TMEM132C: variants seen among roughly 807,000 people sequenced by gnomAD.
The protein encoded by TMEM132C is protein phosphatase 1, regulatory subunit 152.
Under a neutral mutation model 61.4 loss-of-function variants are expected in TMEM132C, and 29 were observed. The observed-to-expected ratio is 0.47, with a 90% CI of 0.35 to 0.64. TMEM132C has a LOEUF of 0.64. TMEM132C is among the 30% of genes least tolerant of loss of function. The probability of loss-of-function intolerance (pLI) is 0.00; values close to 1 mark genes in which losing one functional copy is unlikely to be tolerated. For missense variants in TMEM132C, 1,408 were observed against 1,476.9 expected (o/e 0.95, Z 0.76); for synonymous variants, 656 against 633.1 (o/e 1.04, Z -0.54).
At chr12:128,507,954 C>G (rs1005816764) in intron 2 of TMEM132C, among the ~76,000 whole-genome samples, 2 of 152,118 alleles carry the variant, frequency 1.3e-5, no homozygotes, top group African/African-American at 4.8e-5. Flanking sequence ...CACCCAGGTA[C>G]TAACATATTG....
At chr12:128,468,410 C>G (rs1347245761) in intron 2 of TMEM132C, among the ~76,000 whole-genome samples, 2 of 152,028 alleles carry the variant, frequency 1.3e-5, no homozygotes, top group Non-Finnish European at 2.9e-5. Context: ...CTCTGCCTTC[C>G]GGGTTCAAGC....
chr12:128,414,751 C>T lies in TMEM132C; in HGVS notation c.105C>T (p.Val35=). The T allele has an allele frequency of 6.5e-7, 1 of 1,530,440 alleles. No homozygotes were observed. Among genetic ancestry groups the T allele is most frequent in the Non-Finnish European group, 8.8e-7 (1 of 1,141,592 alleles). 94.8% of individuals were successfully genotyped at this position (1,530,440 alleles called of 1,614,324 possible). A position where few individuals can be genotyped will look rare whatever the true frequency, so the allele number is the denominator to read the frequency against. The change falls in exon 2 of 9, where the codon GTC becomes GTT. Residue 35 remains valine (V), a synonymous_variant. Coordinates refer to ENST00000435159, the MANE Select transcript of TMEM132C (RefSeq NM_001136103.3). The part of the protein sequence containing the change: ...LLGKVIEGHG[V]TDNIQRFSSL... ...TTTTAGTGATAGAGGGTCACGGGGTCACAGACAACATACAGAGATTCTCCT... is the reference window on the plus strand; with the variant it reads ...TTTTAGTGATAGAGGGTCACGGGGTTACAGACAACATACAGAGATTCTCCT...
chr12:128,335,863 C>T (rs1040882618), intron 1 of TMEM132C, among the ~76,000 whole-genome samples: 1 of 152,168 alleles, frequency 6.6e-6, no homozygotes, highest in Non-Finnish European at 1.5e-5. Flanking sequence ...TCCTTGCCCC[C>T]CAGGTGTTCT....
intron 1 of TMEM132C, among the ~76,000 whole-genome samples, chr12:128,291,978 G>A (rs570585031): frequency 6.6e-6 from 1 of 152,226 alleles, no homozygotes; most frequent in African/African-American, 2.4e-5. Context: ...CCCACGGGTG[G>A]CCTTGGCCCC....
chr12:128,695,768 G>C (rs2135654653), intron 6 of TMEM132C, 62 bp from the exon 7 acceptor site: 2 of 1,463,846 alleles, frequency 1.4e-6, no homozygotes, highest in Non-Finnish European at 1.8e-6. Flanking sequence ...GCGCCTGCCT[G>C]TCTCAAGAAC....
intron 5 of TMEM132C, among the ~76,000 whole-genome samples, chr12:128,683,970 T>TTAAATAAA (rs5741714): frequency 0.12 from 17,526 of 147,282 alleles, 1,120 homozygotes; most frequent in Non-Finnish European, 0.13. Flanking sequence ...CTGTTTGAAA[T>TTAAATAAA]TAAATAAATA....
intron 2 of TMEM132C, among the ~76,000 whole-genome samples, chr12:128,487,466 T>G (rs1394187307): frequency 3.7e-5 from 1 of 27,322 alleles, no homozygotes; most frequent in Admixed American, 6.0e-4. Context: ...TACATATAAA[T>G]TGTGTGCGTG....
chr12:128,648,704 A>ACTG (rs1954236609), intron 4 of TMEM132C, among the ~76,000 whole-genome samples: 1 of 146,024 alleles, frequency 6.8e-6, no homozygotes, highest in African/African-American at 2.6e-5. Flanking sequence ...GAGTGTGTTT[A>ACTG]GCTCAGTCCA....
chr12:128,664,915 A>C (rs535433597), intron 4 of TMEM132C, among the ~76,000 whole-genome samples: 2 of 152,308 alleles, frequency 1.3e-5, no homozygotes, highest in African/African-American at 4.8e-5. Context: ...AGGTGCAACC[A>C]GATGCAAAGA....
intron 1 of TMEM132C, among the ~76,000 whole-genome samples, chr12:128,369,147 A>G (rs766442010): frequency 5.9e-5 from 9 of 152,210 alleles, no homozygotes; most frequent in Non-Finnish European, 1.0e-4. Flanking sequence ...GTGATAATGA[A>G]GTTGCTGGTA....
intron 1 of TMEM132C, among the ~76,000 whole-genome samples, chr12:128,369,633 A>G (rs1873969619): frequency 6.6e-6 from 1 of 152,236 alleles, no homozygotes; most frequent in East Asian, 1.9e-4. Context: ...ATTCATTTGA[A>G]TAAAAGACTC....
intron 4 of TMEM132C, among the ~76,000 whole-genome samples, chr12:128,634,211 C>T (rs1166930904): frequency 6.6e-6 from 1 of 152,180 alleles, no homozygotes; most frequent in East Asian, 1.9e-4. Context: ...GTAGCTGGGA[C>T]TACAGGCATG....
chr12:128,533,635 A>G, intron 2 of TMEM132C, among the ~76,000 whole-genome samples: 1 of 152,076 alleles, frequency 6.6e-6, no homozygotes, highest in Non-Finnish European at 1.5e-5. Flanking sequence ...TCATAAGAAC[A>G]CTAGTCACTG....
At chr12:128,479,112 G>C (rs1340102223) in intron 2 of TMEM132C, among the ~76,000 whole-genome samples, 1 of 152,126 alleles carries the variant, frequency 6.6e-6, no homozygotes, top group African/African-American at 2.4e-5. Context: ...ACTAGTGCAG[G>C]AACAGAAAAC....
chr12:128,471,590 C>T (rs929754449), intron 2 of TMEM132C, among the ~76,000 whole-genome samples: 5 of 152,284 alleles, frequency 3.3e-5, no homozygotes, highest in South Asian at 2.1e-4. Context: ...AGCCTGTAAC[C>T]GAGAAGCAGC....
At chr12:128,647,868 G>C (rs1035351076) in intron 4 of TMEM132C, among the ~76,000 whole-genome samples, 1 of 150,346 alleles carries the variant, frequency 6.7e-6, no homozygotes, top group Non-Finnish European at 1.5e-5. Context: ...TTGGATGTGA[G>C]TGTGTTTACT....
At chr12:128,580,403 A>C (rs1875288052) in intron 3 of TMEM132C, among the ~76,000 whole-genome samples, 1 of 152,212 alleles carries the variant, frequency 6.6e-6, no homozygotes, top group Non-Finnish European at 1.5e-5. Flanking sequence ...CCTGGGCGAC[A>C]GAGCCAGACT....
intron 2 of TMEM132C, among the ~76,000 whole-genome samples, chr12:128,530,713 G>C (rs979294669): frequency 6.6e-6 from 1 of 152,202 alleles, no homozygotes; most frequent in Non-Finnish European, 1.5e-5. Context: ...AAAGTGCTGG[G>C]ATTATAGGCA....
intron 1 of TMEM132C, among the ~76,000 whole-genome samples, chr12:128,300,824 G>T (rs1000883336): frequency 2.0e-5 from 3 of 152,146 alleles, no homozygotes; most frequent in African/African-American, 7.2e-5. Context: ...ATTGTTTGAG[G>T]CTAGGAGCCT....
Sources: gnomAD v4.1 joint callset for allele counts (sites outside exome capture counted in the v4.1 genomes callset) on GRCh38, gnomAD v4.1.1 for gene constraint, MANE v1.5 for transcripts, NCBI Gene and HGNC (gene_info 2026-07-23, HGNC 2026-07-21) for gene names.